Variants in PTPRG observed in about 807,000 individuals in gnomAD.
PTPRG encodes the protein protein tyrosine phosphatase receptor type G.
A neutral mutation model predicts 165.3 loss-of-function variants in PTPRG; 102 were observed. That is an observed-to-expected ratio of 0.62 (90% CI 0.53 to 0.73). The LOEUF is 0.73. Among genes scored for constraint, PTPRG ranks in the 30% least tolerant of loss-of-function variants. The pLI is 0.00. For missense variants in PTPRG, 1,866 were observed against 1,861.4 expected (o/e 1.00, Z -0.05); for synonymous variants, 675 against 669.5 (o/e 1.01, Z -0.13).
chr3:61,675,554 C>T (rs1257353095), intron 1 of PTPRG, among the ~76,000 whole-genome samples: 1 of 152,108 alleles, frequency 6.6e-6, no homozygotes, highest in African/African-American at 2.4e-5. Flanking sequence ...CTTTTTTCCC[C>T]CTATTATGTA....
intron 1 of PTPRG, among the ~76,000 whole-genome samples, chr3:61,577,831 A>G (rs530566976): frequency 5.9e-5 from 9 of 151,794 alleles, no homozygotes; most frequent in Middle Eastern, 3.4e-3. Flanking sequence ...GCTAAGAGAA[A>G]CTCTTGTAAT....
At chr3:61,984,065 C>G (rs1178482479) in intron 2 of PTPRG, among the ~76,000 whole-genome samples, 1 of 152,136 alleles carries the variant, frequency 6.6e-6, no homozygotes, top group African/African-American at 2.4e-5. Context: ...GGAATTCTAT[C>G]TGCCTTAAAC....
intron 4 of PTPRG, among the ~76,000 whole-genome samples, chr3:62,057,411 G>C (rs979185120): frequency 6.6e-6 from 1 of 152,196 alleles, no homozygotes; most frequent in Non-Finnish European, 1.5e-5. Context: ...CTTTTCTGTA[G>C]GCTGCCTTGT....
intron 28 of PTPRG, among the ~76,000 whole-genome samples, chr3:62,287,520 T>TAAAAGATAGGATACTAGTG (rs1553669364): frequency 1.4e-4 from 22 of 152,086 alleles, no homozygotes; most frequent in African/African-American, 5.3e-4. Flanking sequence ...ACTAAAAACT[T>TAAAAGATAGGATACTAGTG]AAAAGATAGG....
intron 2 of PTPRG, among the ~76,000 whole-genome samples, chr3:61,807,328 A>G (rs746864461): frequency 4.0e-4 from 61 of 152,148 alleles, no homozygotes; most frequent in Non-Finnish European, 7.6e-4. Flanking sequence ...GCAGTTGGAG[A>G]GTTTAATTAA....
intron 2 of PTPRG, among the ~76,000 whole-genome samples, chr3:61,752,120 A>T (rs1216102976): frequency 6.6e-6 from 1 of 152,204 alleles, no homozygotes; most frequent in African/African-American, 2.4e-5. Context: ...TGGAATGCAC[A>T]AGTGTCGCGA....
In PTPRG at chr3:62,184,674, C is replaced by T. The variant is rs748657387; in HGVS notation, c.1034-6795C>T. ...AAGAAACAGGCATCTCCCCCACGGT[C>T]GTCTGCTGGCTTAAGCCAAGCTGTT... is the stretch of plus-strand genomic sequence containing the variant. On this transcript the variant is annotated intron_variant, in intron 8 of 29. Coordinates refer to ENST00000474889, the MANE Select transcript of PTPRG (RefSeq NM_002841.4). 6.6e-5 allele frequency among the ~76,000 whole-genome samples: 10 copies of T among 152,324 alleles called. No individual in the cohort carries two copies. The South Asian group carries it at 1.7e-3, about 25-fold the overall frequency.
In PTPRG at chr3:61,766,289, C is replaced by T. The variant is rs151064141; in HGVS notation, c.190+17307C>T. ...AGAAGGTCATGTGAAAACCACTTTT[C>T]TCCCCAAAGAAATGTTGGCATTATT... On this transcript the variant is annotated intron_variant, in intron 2 of 29. Coordinates refer to ENST00000474889, the MANE Select transcript of PTPRG (RefSeq NM_002841.4). Among the ~76,000 whole-genome samples, 1,454 of 152,302 alleles carry T rather than the reference C, an allele frequency of 9.5e-3. 13 individuals are homozygous for T. The highest frequency in any genetic ancestry group is 0.016 in the Non-Finnish European group (1,063 of 68,018).
chr3:62,292,594 C>A (rs773267766), intron 29 of PTPRG, 38 bp downstream of exon 29: 1 of 1,599,710 alleles, frequency 6.3e-7, no homozygotes, highest in Non-Finnish European at 8.5e-7. Flanking sequence ...TGTACTACAT[C>A]AGTTGAAACT....
At chr3:62,072,615 ATGTGTGTGTG>A (rs746425268) in intron 4 of PTPRG, among the ~76,000 whole-genome samples, 4 of 134,578 alleles carry the variant, frequency 3.0e-5, no homozygotes, top group Non-Finnish European at 4.7e-5. Flanking sequence ...ATATATGTGT[ATGTGTGTGTG>A]TGTGTGTGTG....
At chr3:61,921,117 C>CCTTCCTTCCT (rs753442941) in intron 2 of PTPRG, among the ~76,000 whole-genome samples, 7 of 148,504 alleles carry the variant, frequency 4.7e-5, no homozygotes, top group African/African-American at 1.8e-4. Flanking sequence ...TTCCATCCAT[C>CCTTCCTTCCT]TCCTTCCTTC....
At chr3:62,186,724 C>T (rs1397004389) in intron 8 of PTPRG, among the ~76,000 whole-genome samples, 1 of 151,878 alleles carries the variant, frequency 6.6e-6, no homozygotes, top group Non-Finnish European at 1.5e-5. Flanking sequence ...CGCCACCACA[C>T]CTGGCTAATT....
At chr3:61,830,212 C>A (rs948667110) in intron 2 of PTPRG, among the ~76,000 whole-genome samples, 1 of 152,200 alleles carries the variant, frequency 6.6e-6, no homozygotes, top group African/African-American at 2.4e-5. Flanking sequence ...TTCTGAAAAC[C>A]TGTGTAGCAA....
intron 2 of PTPRG, among the ~76,000 whole-genome samples, chr3:61,878,205 A>G (rs1416202501): frequency 6.6e-6 from 1 of 152,216 alleles, no homozygotes; most frequent in Non-Finnish European, 1.5e-5. Flanking sequence ...TCACATGGAA[A>G]GAAATTAATT....
chr3:61,991,585 A>G (rs1042863138), intron 3 of PTPRG, among the ~76,000 whole-genome samples: 3 of 152,188 alleles, frequency 2.0e-5, no homozygotes, highest in Non-Finnish European at 2.9e-5. Context: ...GAATTTACCT[A>G]TCAGTTGCCC....
chr3:62,071,611 G>A (rs1197527793), intron 4 of PTPRG, among the ~76,000 whole-genome samples: 1 of 152,166 alleles, frequency 6.6e-6, no homozygotes, highest in African/African-American at 2.4e-5. Context: ...GTCTTCCTAA[G>A]TGCAGACTGT....
intron 1 of PTPRG, among the ~76,000 whole-genome samples, chr3:61,653,927 A>G (rs1469182878): frequency 6.6e-6 from 1 of 150,600 alleles, no homozygotes; most frequent in African/African-American, 2.4e-5. Context: ...GTAAGGGAAC[A>G]TGTAAGGCTA....
intron 3 of PTPRG, among the ~76,000 whole-genome samples, chr3:61,990,671 G>T (rs977232828): frequency 3.9e-5 from 6 of 152,140 alleles, no homozygotes; most frequent in Admixed American, 2.0e-4. Context: ...GATGCCTAAA[G>T]ATATTTTTCA....
chr3:62,238,205 C>T (rs150531117), intron 14 of PTPRG, among the ~76,000 whole-genome samples: 16 of 152,276 alleles, frequency 1.1e-4, no homozygotes, highest in African/African-American at 3.6e-4. Context: ...TTTCCCGTTT[C>T]ACTTTCATTC....
Sources: allele counts gnomAD v4.1 joint callset (sites outside exome capture counted in the v4.1 genomes callset), GRCh38; gene constraint gnomAD v4.1.1; transcripts MANE v1.5; gene names NCBI Gene and HGNC (gene_info 2026-07-23, HGNC 2026-07-21).